RBM12: variants seen among roughly 807,000 people sequenced by gnomAD.
RBM12 encodes RNA binding motif protein 12.
In RBM12, 24 loss-of-function variants were observed where a neutral mutation model predicts 37.2. That is an observed-to-expected ratio of 0.65 (90% CI 0.47 to 0.91). RBM12 has a LOEUF of 0.91. RBM12 is among the 40% of genes least tolerant of loss of function. The probability of loss-of-function intolerance (pLI) is 0.00; values close to 1 mark genes in which losing one functional copy is unlikely to be tolerated. For missense variants in RBM12, 1,061 were observed against 1,183.2 expected, an observed-to-expected ratio of 0.90 and a Z score of 1.52; for synonymous variants, 420 against 425.2, an observed-to-expected ratio of 0.99 and a Z score of 0.15.
At chr20:35,663,919 C>G (rs529125015) in intron 1 of RBM12, among the ~76,000 whole-genome samples, 1 of 152,200 alleles carries the variant, frequency 6.6e-6, no homozygotes, top group African/African-American at 2.4e-5. Flanking sequence ...ACCCACCCTC[C>G]GCAGCCCACT....
At chr20:35,660,202 CT>C (rs963794869) in intron 1 of RBM12, among the ~76,000 whole-genome samples, 17 of 149,856 alleles carry the variant, frequency 1.1e-4, no homozygotes, top group African/African-American at 3.4e-4. Flanking sequence ...AATCTAGCCT[CT>C]TTTTTTTTTC....
rs1040483924 is a variant in RBM12, at chr20:35,651,087, A to T, written c.*1437T>A. 6.6e-6 allele frequency: 1 copy of T among 152,216 alleles called. No individual in the cohort carries two copies. The highest frequency in any genetic ancestry group is 1.5e-5 in the Non-Finnish European group (1 of 68,010). The allele number at this position is 152,216 out of a possible 1,614,324, so 9.4% of individuals were successfully genotyped here. A position where few individuals can be genotyped will look rare whatever the true frequency, so the allele number is the denominator to read the frequency against. On this transcript the variant is annotated 3_prime_UTR_variant, in exon 3 of 3. Coordinates refer to ENST00000374114, the MANE Select transcript of RBM12 (RefSeq NM_006047.6). The stretch of plus-strand genomic sequence containing the variant: ...TAAGGCCAAGTTTTTCATCACAAGG[A>T]AAGTAACCATAATTAGAGCCTTTTA...
rs773675749 is a variant in RBM12 at position 35,652,942 on chromosome 20, T to C, written c.2381A>G (p.Asn794Ser). 1.6e-5 allele frequency: 26 copies of C among 1,613,660 alleles called. No individual in the cohort carries two copies. Among genetic ancestry groups the C allele is most frequent in the Non-Finnish European group, 1.4e-5 (17 of 1,180,032 alleles). ...GFGGGPQNFGNGPGSLGGPPG... is the reference protein window; with the variant it reads ...GFGGGPQNFGSGPGSLGGPPG... The stretch of plus-strand genomic sequence containing the variant: ...GGGACCGCCTAAGCTACCAGGGCCA[T>C]TTCCAAAATTCTGAGGGCCCCCTCC... Residue 794 changes from asparagine to serine, a missense_variant, in exon 3 of 3, where the codon AAT becomes AGT. By Grantham distance (46) the Asn-to-Ser change is conservative. Coordinates refer to ENST00000374114, the MANE Select transcript of RBM12 (RefSeq NM_006047.6).
chr20:35,660,188 T>A (rs532864170), intron 1 of RBM12, among the ~76,000 whole-genome samples: 1 of 152,292 alleles, frequency 6.6e-6, no homozygotes, highest in Non-Finnish European at 1.5e-5. Flanking sequence ...TTACATGTTG[T>A]AGAAATCTAG....
chr20:35,656,011 G>A (rs926891735), intron 2 of RBM12, among the ~76,000 whole-genome samples: 2 of 152,054 alleles, frequency 1.3e-5, no homozygotes, highest in Non-Finnish European at 2.9e-5. Flanking sequence ...TATAAACAAG[G>A]TTAAGACATA....
At chr20:35,661,299 G>A (rs913340713) in intron 1 of RBM12, among the ~76,000 whole-genome samples, 1 of 152,190 alleles carries the variant, frequency 6.6e-6, no homozygotes, top group East Asian at 1.9e-4. Flanking sequence ...TGTTTTCCAG[G>A]AAACTACTAT....
At chr20:35,661,731 GTC>G (rs774951084) in intron 1 of RBM12, among the ~76,000 whole-genome samples, 2 of 152,196 alleles carry the variant, frequency 1.3e-5, no homozygotes, top group Non-Finnish European at 2.9e-5. Flanking sequence ...AGAAAAAAAT[GTC>G]TGACAACAAA....
chr20:35,657,474 G>C (rs566780633), intron 2 of RBM12, among the ~76,000 whole-genome samples: 1 of 152,168 alleles, frequency 6.6e-6, no homozygotes, highest in South Asian at 2.1e-4. Context: ...TTGAGAGAGA[G>C]AGAGAGACTA....
At chr20:35,658,333 T>C (rs1339175466) in intron 2 of RBM12, among the ~76,000 whole-genome samples, 1 of 152,210 alleles carries the variant, frequency 6.6e-6, no homozygotes, top group Non-Finnish European at 1.5e-5. Context: ...TCTAAAATGC[T>C]ACTAAGGAAT....
At chr20:35,661,378 C>T (rs1373968818) in intron 1 of RBM12, among the ~76,000 whole-genome samples, 1 of 152,162 alleles carries the variant, frequency 6.6e-6, no homozygotes, top group Non-Finnish European at 1.5e-5. Flanking sequence ...TTACCTAAAG[C>T]TTTGCTGAAC....
At chr20:35,660,776 G>A (rs1468325245) in intron 1 of RBM12, among the ~76,000 whole-genome samples, 2 of 152,160 alleles carry the variant, frequency 1.3e-5, no homozygotes, top group Non-Finnish European at 2.9e-5. Flanking sequence ...GTCAGGTATG[G>A]GGCCAGGGCA....
In RBM12 at chr20:35,652,800, A is replaced by G. The variant is rs1426484724; in HGVS notation, c.2523T>C (p.Gly841=). ...AACTAGATGCAAAGCCAGGGGGACC[A>G]CCAATATGGATTGGGCCAGGGCCGG... ...PGPGPGPIHI[G]GPPGFASSSG... is the part of the protein sequence containing the mutation. The change falls in exon 3 of 3, where the codon GGT becomes GGC. Residue 841 remains glycine (G), a synonymous_variant. Transcript: ENST00000374114. 1 of 1,608,408 alleles carries G rather than the reference A, an allele frequency of 6.2e-7. No homozygotes were observed. Among genetic ancestry groups the G allele is most frequent in the South Asian group, 1.1e-5 (1 of 90,508 alleles).
rs1474971095 is a variant in RBM12, at chr20:35,650,652, AT to A, written c.*1871del. 2 of 152,620 alleles carry A rather than the reference AT, an allele frequency of 1.3e-5. No homozygotes were observed. Among genetic ancestry groups the A allele is most frequent in the Non-Finnish European group, 2.9e-5 (2 of 68,026 alleles). The allele number at this position is 152,620 out of a possible 1,614,324, so 9.5% of individuals were successfully genotyped here. ...CATGAATTATCAAAAGACCCACAAC[AT>A]AGTCACCTCTTGAGTCTAAACAATC... On this transcript the variant is annotated 3_prime_UTR_variant, in exon 3 of 3. Coordinates refer to ENST00000374114, the MANE Select transcript of RBM12 (RefSeq NM_006047.6).
At position 35,652,471 on chromosome 20, in the gene RBM12, T is replaced by C. The variant is rs1601467203; in HGVS notation, c.*53A>G. ...GGAAATACTAGGAAAACAATCTGGA[T>C]GCATTAATCACAGCAATATGAAGAT... On this transcript the variant is annotated 3_prime_UTR_variant, in exon 3 of 3. Transcript: ENST00000374114. The C allele has an allele frequency of 6.5e-7, 1 of 1,530,030 alleles. No individual in the cohort carries two copies. Among genetic ancestry groups the C allele is most frequent in the East Asian group, 2.3e-5 (1 of 44,254 alleles). The allele number at this position is 1,530,030 out of a possible 1,614,324, so 94.8% of individuals were successfully genotyped here.
intron 1 of RBM12, among the ~76,000 whole-genome samples, chr20:35,659,768 C>T (rs2034125737): frequency 6.6e-6 from 1 of 152,170 alleles, no homozygotes; most frequent in African/African-American, 2.4e-5. Context: ...GTCATTTCTT[C>T]CAAACTGGTG....
chr20:35,657,983 A>G (rs2034001528), intron 2 of RBM12, among the ~76,000 whole-genome samples: 1 of 152,032 alleles, frequency 6.6e-6, no homozygotes, highest in Non-Finnish European at 1.5e-5. Flanking sequence ...AATCACTTGA[A>G]CCCGGGAGGC....
chr20:35,652,758 C>T lies in RBM12; in HGVS notation c.2565G>A (p.Pro855=), dbSNP rs779846216. The T allele has an allele frequency of 1.7e-5, 27 of 1,612,692 alleles. No individual in the cohort carries two copies. Among genetic ancestry groups the T allele is most frequent in the South Asian group, 5.5e-5 (5 of 90,986 alleles). Reference sequence around the variant, plus strand: ...GCATGTTTTGCACTTTAATTACTGTCGGTCCTGGTTTTCCAGAACTAGATG... The same window carrying T: ...GCATGTTTTGCACTTTAATTACTGTTGGTCCTGGTTTTCCAGAACTAGATG... ...GFASSSGKPG[P]TVIKVQNMPF... Residue 855 remains proline (P), a synonymous_variant, in exon 3 of 3, where the codon CCG becomes CCA. Coordinates refer to ENST00000374114, the MANE Select transcript of RBM12 (RefSeq NM_006047.6).
Position 35,655,343 on chromosome 20 carries a change from A to G in RBM12, c.-21T>C, listed in dbSNP as rs1359466883. Reference sequence around the variant, plus strand: ...GCCATGCTGCGCTGAAACCACACACACCTGCAGATGAGAAAAGGCAACGGC... The same window carrying G: ...GCCATGCTGCGCTGAAACCACACACGCCTGCAGATGAGAAAAGGCAACGGC... On this transcript the variant is annotated splice_region_variant and 5_prime_UTR_variant, in exon 3 of 3. Transcript: ENST00000374114. The G allele has an allele frequency of 6.3e-7, 1 of 1,588,776 alleles. No individual in the cohort carries two copies. Among genetic ancestry groups the G allele is most frequent in the Non-Finnish European group, 8.5e-7 (1 of 1,172,832 alleles).
intron 2 of RBM12, among the ~76,000 whole-genome samples, chr20:35,656,427 T>A (rs980755918): frequency 5.9e-5 from 9 of 152,204 alleles, no homozygotes; most frequent in Non-Finnish European, 1.3e-4. Flanking sequence ...GGCAGCCCTT[T>A]GGAAAGTGAC....
Sources: gnomAD v4.1 joint callset for allele counts (sites outside exome capture counted in the v4.1 genomes callset) on GRCh38, gnomAD v4.1.1 for gene constraint, MANE v1.5 for transcripts, NCBI Gene and HGNC (gene_info 2026-07-23, HGNC 2026-07-21) for gene names.